Variants in PPP1R9A observed in about 807,000 individuals in gnomAD.
PPP1R9A encodes the protein protein phosphatase 1 regulatory subunit 9A, also known as neurabin-1.
In PPP1R9A, 59 loss-of-function variants were observed where a neutral mutation model predicts 141.9. The ratio of observed to expected loss-of-function variants is 0.42; its 90% confidence interval spans 0.34 to 0.52. The LOEUF (loss-of-function observed/expected upper bound fraction) is 0.52. PPP1R9A is among the 20% of genes least tolerant of loss of function. The probability of loss-of-function intolerance (pLI) is 0.10; values close to 1 mark genes in which losing one functional copy is unlikely to be tolerated. For missense variants in PPP1R9A, 1,444 were observed against 1,611.9 expected (o/e 0.90, Z 1.78); for synonymous variants, 500 against 569.7 (o/e 0.88, Z 1.74).
At chr7:94,977,580 G>C (rs1310204531) in intron 2 of PPP1R9A, among the ~76,000 whole-genome samples, 3 of 152,070 alleles carry the variant, frequency 2.0e-5, no homozygotes, top group Non-Finnish European at 2.9e-5. Flanking sequence ...AGAGAATTTA[G>C]AGGAGATAAT....
chr7:95,017,445 A>C (rs1441133902), intron 2 of PPP1R9A, among the ~76,000 whole-genome samples: 1 of 152,150 alleles, frequency 6.6e-6, no homozygotes, highest in Non-Finnish European at 1.5e-5. Context: ...CATTTATCCT[A>C]ACAGCGTACT....
At chr7:95,226,845 A>C (rs1157228152) in intron 8 of PPP1R9A, among the ~76,000 whole-genome samples, 1 of 152,186 alleles carries the variant, frequency 6.6e-6, no homozygotes, top group African/African-American at 2.4e-5. Flanking sequence ...TGGGAGAGGA[A>C]ATGTGGATAA....
intron 4 of PPP1R9A, among the ~76,000 whole-genome samples, chr7:95,146,245 G>A (rs1284164695): frequency 6.6e-6 from 1 of 152,190 alleles, no homozygotes; most frequent in East Asian, 1.9e-4. Context: ...TTTCTCTAAT[G>A]ACCGGTGATG....
intron 2 of PPP1R9A, among the ~76,000 whole-genome samples, chr7:95,060,675 A>T (rs1054667091): frequency 3.3e-5 from 5 of 152,172 alleles, no homozygotes; most frequent in African/African-American, 1.2e-4. Context: ...CATCATCTAG[A>T]TATGGTTTTG....
intron 2 of PPP1R9A, among the ~76,000 whole-genome samples, chr7:94,961,198 C>A (rs1032331837): frequency 6.6e-6 from 1 of 151,076 alleles, no homozygotes; most frequent in Non-Finnish European, 1.5e-5. Flanking sequence ...ATAAAAAAAA[C>A]AAAACTTATA....
Position 95,225,996 on chromosome 7 carries a change from G to T in PPP1R9A, c.1992G>T (p.Glu664Asp), listed in dbSNP as rs1349433309. ...ATGCCACAGATGAAGAAGAAGATGAGGTAGGACCTGTCCTTCCTGGCAGCG... is the reference window on the plus strand; with the variant it reads ...ATGCCACAGATGAAGAAGAAGATGATGTAGGACCTGTCCTTCCTGGCAGCG... ...GEYATDEEED[E>D]VGPVLPGSDM... is the part of the protein sequence containing the mutation. Residue 664 changes from glutamate (E) to aspartate (D), a missense_variant, in exon 8 of 20, where the codon GAG (glutamate) becomes GAT (aspartate). Physicochemically the swap from Glu to Asp is conservative, Grantham distance 45. This residue lies in a region of PPP1R9A where 488 missense variants were observed against 542.0 expected (regional missense o/e 0.90). Coordinates refer to ENST00000433360, the MANE Select transcript of PPP1R9A (RefSeq NM_001166160.2). 1.2e-6 allele frequency: 2 copies of T among 1,613,092 alleles called. No homozygotes were observed. The highest frequency in any genetic ancestry group is 2.2e-5 in the East Asian group (1 of 44,860).
chr7:95,027,292 A>G (rs1356770249), intron 2 of PPP1R9A, among the ~76,000 whole-genome samples: 4 of 152,164 alleles, frequency 2.6e-5, no homozygotes, highest in African/African-American at 4.8e-5. Context: ...AGAATGCACC[A>G]TTCCTCACAG....
intron 3 of PPP1R9A, among the ~76,000 whole-genome samples, chr7:95,114,860 G>A (rs572041740): frequency 1.6e-4 from 23 of 146,842 alleles, no homozygotes; most frequent in African/African-American, 4.8e-4. Flanking sequence ...CCAAACCATC[G>A]TGGAAAGGAT....
At chr7:95,227,447 A>G (rs1795297582) in intron 8 of PPP1R9A, among the ~76,000 whole-genome samples, 1 of 152,222 alleles carries the variant, frequency 6.6e-6, no homozygotes, top group African/African-American at 2.4e-5. Context: ...TCAAAGTTCC[A>G]TAAATATTGT....
At chr7:95,023,324 A>G (rs1337122791) in intron 2 of PPP1R9A, among the ~76,000 whole-genome samples, 6 of 152,024 alleles carry the variant, frequency 3.9e-5, no homozygotes, top group Non-Finnish European at 8.8e-5. Flanking sequence ...CAGTGGTGAT[A>G]TCCCCTTTAT....
intron 2 of PPP1R9A, among the ~76,000 whole-genome samples, chr7:94,944,191 A>G (rs1795635963): frequency 6.6e-6 from 1 of 152,084 alleles, no homozygotes; most frequent in South Asian, 2.1e-4. Context: ...CTATTTTGAA[A>G]TATACAATAA....
chr7:95,222,739 G>A (rs1231258823), intron 7 of PPP1R9A, among the ~76,000 whole-genome samples: 2 of 151,912 alleles, frequency 1.3e-5, no homozygotes, highest in African/African-American at 4.8e-5. Context: ...GTAATTTTGG[G>A]TTTTGTTGGT....
chr7:94,936,163 A>G (rs1443657843), intron 2 of PPP1R9A, among the ~76,000 whole-genome samples: 1 of 152,118 alleles, frequency 6.6e-6, no homozygotes, highest in East Asian at 1.9e-4. Flanking sequence ...GAGTGTGGAT[A>G]CTTTTAGACT....
chr7:95,133,513 T>TATATA (rs1825038655), intron 4 of PPP1R9A, among the ~76,000 whole-genome samples: 1 of 132,686 alleles, frequency 7.5e-6, no homozygotes, highest in Non-Finnish European at 1.6e-5. Context: ...TGCAGTCGTA[T>TATATA]TATATATATA....
At chr7:95,142,203 C>T (rs531595527) in intron 4 of PPP1R9A, among the ~76,000 whole-genome samples, 90 of 151,898 alleles carry the variant, frequency 5.9e-4, no homozygotes, top group African/African-American at 1.8e-3. Flanking sequence ...TTTTAAAATT[C>T]GGTTGTTTTA....
rs1806394510 is a variant in PPP1R9A at position 95,291,783 on chromosome 7, T to C, written c.*1480T>C. ...ACAGTATTTTACTTCTTTTACTTTA[T>C]GGGAATCTCTGCTCTGTTCCCAGCA... On this transcript the variant is annotated 3_prime_UTR_variant, in exon 20 of 20. Coordinates refer to ENST00000433360, the MANE Select transcript of PPP1R9A (RefSeq NM_001166160.2). The C allele has an allele frequency of 6.6e-6, 1 of 152,210 alleles. No homozygotes were observed. Among genetic ancestry groups the C allele is most frequent in the South Asian group, 2.1e-4 (1 of 4,828 alleles). The allele number at this position is 152,210 out of a possible 1,614,324, so 9.4% of individuals were successfully genotyped here.
intron 8 of PPP1R9A, among the ~76,000 whole-genome samples, chr7:95,241,570 G>A (rs977770457): frequency 2.6e-5 from 4 of 151,928 alleles, no homozygotes; most frequent in Admixed American, 2.0e-4. Context: ...TGGAAGGTAC[G>A]GCGAGGCTGG....
At chr7:94,959,482 TTAGTCA>T (rs1167377283) in intron 2 of PPP1R9A, among the ~76,000 whole-genome samples, 3 of 151,698 alleles carry the variant, frequency 2.0e-5, no homozygotes, top group Admixed American at 6.6e-5. Flanking sequence ...TGAATGATAC[TTAGTCA>T]TTTATAAATT....
intron 7 of PPP1R9A, among the ~76,000 whole-genome samples, chr7:95,208,501 G>A (rs1460393716): frequency 5.9e-5 from 9 of 152,022 alleles, no homozygotes; most frequent in Non-Finnish European, 1.3e-4. Flanking sequence ...GAGGCAGGTG[G>A]ATCACGAGGT....
Sources: allele counts gnomAD v4.1 joint callset (sites outside exome capture counted in the v4.1 genomes callset), GRCh38; gene constraint gnomAD v4.1.1; regional missense constraint gnomAD v4.1.1; transcripts MANE v1.5; gene names NCBI Gene and HGNC (gene_info 2026-07-23, HGNC 2026-07-21).